The following SLC22A3 variants were observed in gnomAD, a reference collection of about 807,000 sequenced individuals.
SLC22A3 encodes solute carrier family 22 member 3.
A neutral mutation model predicts 59.1 loss-of-function variants in SLC22A3; 51 were observed. That is an observed-to-expected ratio of 0.86 (90% confidence interval 0.69 to 1.09). The LOEUF (loss-of-function observed/expected upper bound fraction) is 1.09, where lower values mean the gene tolerates loss of function less well. Among genes scored for constraint, SLC22A3 ranks in the 50% least tolerant of loss-of-function variants. SLC22A3 has a pLI of 0.00. For missense variants in SLC22A3, 711 were observed against 726.3 expected, an observed-to-expected ratio of 0.98 and a Z score of 0.24; for synonymous variants, 325 against 292.0, an observed-to-expected ratio of 1.11 and a Z score of -1.15.
rs189149041 is a variant in SLC22A3, at chr6:160,449,084, T to C, written c.1610+1266T>C. Among the ~76,000 whole-genome samples, 435 of 152,308 alleles carry C rather than the reference T, an allele frequency of 2.9e-3. 1 individual carries two copies. The highest frequency in any genetic ancestry group is 4.5e-3 in the Non-Finnish European group (304 of 68,028). On this transcript the variant is annotated intron_variant, in intron 10 of 10. Coordinates refer to ENST00000275300, the MANE Select transcript of SLC22A3 (RefSeq NM_021977.4). ...CAATGAGAGTGATGCTTTCATTCTT[T>C]ATCCCCAAACCAATCAGGATCAGAT... is the stretch of plus-strand genomic sequence containing the variant.
Position 160,451,051 on chromosome 6 carries a change from C to G in SLC22A3, c.1666C>G (p.Leu556Val). The G allele has an allele frequency of 6.3e-7, 1 of 1,592,088 alleles. No individual in the cohort carries two copies. Among genetic ancestry groups the G allele is most frequent in the Non-Finnish European group, 8.6e-7 (1 of 1,167,260 alleles). ...GAAAACCCCAGTTTCCCGCTCTCAC[C>G]TTTGAGGCCCCCGACAAAGACAGAA... ...NKKTPVSRSH[L>V] The change falls in exon 11 of 11, where the codon CTT (leucine) becomes GTT (valine). Residue 556 changes from leucine (L) to valine (V), a missense_variant. Transcript: ENST00000275300.
At chr6:160,437,510 T>A (rs1330744111) in intron 7 of SLC22A3, among the ~76,000 whole-genome samples, 1 of 152,242 alleles carries the variant, frequency 6.6e-6, no homozygotes, top group Non-Finnish European at 1.5e-5. Flanking sequence ...TTTTGTGATA[T>A]CTCTGATGTT....
intron 5 of SLC22A3, among the ~76,000 whole-genome samples, chr6:160,411,828 A>G (rs1229094642): frequency 6.6e-6 from 1 of 152,228 alleles, no homozygotes; most frequent in African/African-American, 2.4e-5. Context: ...AGGATATAAC[A>G]TATATTTAAA....
At chr6:160,431,509 G>T (rs947178400) in intron 5 of SLC22A3, among the ~76,000 whole-genome samples, 1 of 152,088 alleles carries the variant, frequency 6.6e-6, no homozygotes, top group Non-Finnish European at 1.5e-5. Context: ...TTCATTCACT[G>T]GACAGGGAAG....
In SLC22A3 at chr6:160,452,548, G is replaced by GT. The variant is rs1789008864; in HGVS notation, c.*1493dup. 1 of 149,912 alleles carries GT rather than the reference G, an allele frequency of 6.7e-6. No individual in the cohort carries two copies. The highest frequency in any genetic ancestry group is 2.5e-5 in the African/African-American group (1 of 39,260). The allele number at this position is 149,912 out of a possible 1,614,324, so 9.3% of individuals were successfully genotyped here. On this transcript the variant is annotated 3_prime_UTR_variant, in exon 11 of 11. Coordinates refer to ENST00000275300, the MANE Select transcript of SLC22A3 (RefSeq NM_021977.4). The stretch of plus-strand genomic sequence containing the variant: ...TATTTTGAGTGGATATTTTTGTTTG[G>GT]TAACAATTAAAATTTTAAATCGTAA...
At chr6:160,371,790 C>A (rs985443513) in intron 1 of SLC22A3, among the ~76,000 whole-genome samples, 8 of 152,182 alleles carry the variant, frequency 5.3e-5, no homozygotes, top group African/African-American at 1.9e-4. Context: ...GACAATCCCA[C>A]CAACAGTGTA....
At chr6:160,383,241 C>T (rs1198750749) in intron 1 of SLC22A3, among the ~76,000 whole-genome samples, 1 of 152,234 alleles carries the variant, frequency 6.6e-6, no homozygotes, top group Non-Finnish European at 1.5e-5. Context: ...AGTGTTTTCA[C>T]ATTTTAAATT....
intron 1 of SLC22A3, among the ~76,000 whole-genome samples, chr6:160,360,828 T>C (rs904832314): frequency 2.0e-5 from 3 of 152,134 alleles, no homozygotes; most frequent in Admixed American, 2.0e-4. Flanking sequence ...TGACAAGATA[T>C]AGAGTGATCA....
chr6:160,413,059 A>G (rs1404997137), intron 5 of SLC22A3, among the ~76,000 whole-genome samples: 2 of 152,138 alleles, frequency 1.3e-5, no homozygotes, highest in African/African-American at 4.8e-5. Flanking sequence ...GAATATAGAA[A>G]GGAATCTAGA....
At chr6:160,413,989 T>C (rs1000433907) in intron 5 of SLC22A3, among the ~76,000 whole-genome samples, 2 of 152,346 alleles carry the variant, frequency 1.3e-5, no homozygotes, top group South Asian at 4.1e-4. Flanking sequence ...CTGGGGTTTT[T>C]CTCCTGAAGA....
chr6:160,365,137 T>G (rs987267347), intron 1 of SLC22A3, among the ~76,000 whole-genome samples: 1 of 152,230 alleles, frequency 6.6e-6, no homozygotes, highest in African/African-American at 2.4e-5. Context: ...TTATTTTGAC[T>G]ACTGAAAATT....
chr6:160,380,302 A>C (rs1785749257), intron 1 of SLC22A3, among the ~76,000 whole-genome samples: 1 of 152,128 alleles, frequency 6.6e-6, no homozygotes, highest in Non-Finnish European at 1.5e-5. Flanking sequence ...ACTATAGTTT[A>C]AAATTCTTAT....
chr6:160,364,028 A>T (rs2661846), intron 1 of SLC22A3, among the ~76,000 whole-genome samples: 108,929 of 151,868 alleles, frequency 0.72, 39,884 homozygotes, highest in East Asian at 0.93. Flanking sequence ...AATGATTCAT[A>T]AAATGTATAA....
intron 1 of SLC22A3, among the ~76,000 whole-genome samples, chr6:160,361,224 C>T (rs1785003206): frequency 6.6e-6 from 1 of 152,162 alleles, no homozygotes; most frequent in Non-Finnish European, 1.5e-5. Context: ...ATCAATCTGC[C>T]TATCACCATG....
intron 1 of SLC22A3, among the ~76,000 whole-genome samples, chr6:160,393,060 A>T (rs549549680): frequency 1.3e-5 from 2 of 152,112 alleles, no homozygotes; most frequent in South Asian, 4.2e-4. Context: ...TTTCTCCTAG[A>T]ACAATGCACA....
At chr6:160,427,161 C>A (rs1019806370) in intron 5 of SLC22A3, among the ~76,000 whole-genome samples, 1 of 152,062 alleles carries the variant, frequency 6.6e-6, no homozygotes, top group Non-Finnish European at 1.5e-5. Context: ...GCTTGTGACC[C>A]GAGCTGATGG....
chr6:160,442,747 TTC>T lies in SLC22A3; in HGVS notation c.1289-12_1289-11del. 1.3e-6 allele frequency: 2 copies of T among 1,596,442 alleles called. No homozygotes were observed. Among genetic ancestry groups the T allele is most frequent in the Non-Finnish European group, 8.6e-7 (1 of 1,163,896 alleles). On this transcript the variant is annotated splice_polypyrimidine_tract_variant and intron_variant, in intron 7 of 10. Transcript: ENST00000275300. ...ACCCCTAACTCCTCCCTTTCAAACT[TTC>T]TGTGTTTGCAGGAATAGCATGGTTG...
intron 1 of SLC22A3, among the ~76,000 whole-genome samples, chr6:160,350,733 C>T (rs1014604807): frequency 4.6e-5 from 7 of 152,148 alleles, no homozygotes; most frequent in Non-Finnish European, 8.8e-5. Context: ...AATGCTCTGA[C>T]GGATACTTTG....
At position 160,397,930 on chromosome 6, in the gene SLC22A3, A is replaced by C. The variant is rs375775639; in HGVS notation, c.430-49A>C. Reference sequence around the variant, plus strand: ...CTATACAAAAGATAAGGTGTTTTGAAGATCTGCATTCTGGCATGTCTCCAT... The same window carrying C: ...CTATACAAAAGATAAGGTGTTTTGACGATCTGCATTCTGGCATGTCTCCAT... On this transcript the variant is annotated intron_variant, in intron 1 of 10. Transcript: ENST00000275300. 16 of 1,360,162 alleles carry C rather than the reference A, an allele frequency of 1.2e-5. No individual in the cohort carries two copies. The African/African-American group carries it at 2.3e-4, about 19-fold the overall frequency. The allele number at this position is 1,360,162 out of a possible 1,614,324, so 84.3% of individuals were successfully genotyped here.
Sources: allele counts gnomAD v4.1 joint callset (sites outside exome capture counted in the v4.1 genomes callset), GRCh38; gene constraint gnomAD v4.1.1; transcripts MANE v1.5; gene names NCBI Gene and HGNC (gene_info 2026-07-23, HGNC 2026-07-21).